Variants in LRRTM4 observed in about 807,000 individuals in gnomAD.
The protein encoded by LRRTM4 is leucine rich repeat transmembrane neuronal 4.
A neutral mutation model predicts 47.6 loss-of-function variants in LRRTM4; 25 were observed. The observed-to-expected ratio is 0.53, with a 90% CI of 0.38 to 0.73. The LOEUF is 0.73. Ranked by LOEUF, LRRTM4 falls within the 30% of genes least tolerant of loss-of-function variation. The probability of loss-of-function intolerance (pLI) is 0.00; values close to 1 mark genes in which losing one functional copy is unlikely to be tolerated. For synonymous variants in LRRTM4, 311 were observed against 269.5 expected (o/e 1.15, Z -1.51); for missense variants, 638 against 713.4 (o/e 0.89, Z 1.20).
chr2:77,079,045 C>T (rs1043802988), intron 3 of LRRTM4, among the ~76,000 whole-genome samples: 3 of 152,150 alleles, frequency 2.0e-5, no homozygotes, highest in African/African-American at 7.2e-5. Flanking sequence ...TCTAACACTT[C>T]CCCCAAAGCT....
Position 77,022,819 on chromosome 2 carries a change from T to G in LRRTM4, c.1552-273903A>C, listed in dbSNP as rs1382440059. ...GCTGCTTTTATGGGCTGGCATTGAG[T>G]GTCTGTGGCTTTTCAAGGCTCGCGT... On this transcript the variant is annotated intron_variant, in intron 3 of 3. Transcript: ENST00000409884. Among the ~76,000 whole-genome samples, 4 of 151,978 alleles carry G rather than the reference T, an allele frequency of 2.6e-5. No homozygotes were observed. The East Asian group carries it at 7.7e-4, about 29-fold the overall frequency.
At chr2:77,264,379 T>C (rs1675997442) in intron 3 of LRRTM4, among the ~76,000 whole-genome samples, 6 of 152,070 alleles carry the variant, frequency 3.9e-5, no homozygotes, top group Admixed American at 1.3e-4. Flanking sequence ...CTCTGGTTTC[T>C]TTTTGTATAA....
At chr2:77,507,865 A>G (rs1678838790) in intron 3 of LRRTM4, among the ~76,000 whole-genome samples, 1 of 152,154 alleles carries the variant, frequency 6.6e-6, no homozygotes, top group Non-Finnish European at 1.5e-5. Flanking sequence ...CATGGTTACC[A>G]TGACGACAGC....
At chr2:77,104,667 C>A (rs1251153243) in intron 3 of LRRTM4, among the ~76,000 whole-genome samples, 2 of 152,142 alleles carry the variant, frequency 1.3e-5, no homozygotes, top group East Asian at 1.9e-4. Context: ...AATATTGAAA[C>A]CTCCTCAAAC....
chr2:77,014,252 A>G (rs936547835), intron 3 of LRRTM4, among the ~76,000 whole-genome samples: 1 of 152,162 alleles, frequency 6.6e-6, no homozygotes, highest in African/African-American at 2.4e-5. Flanking sequence ...GCAGATGGTG[A>G]AAGGAATAGG....
At chr2:76,976,232 C>CA (rs1676413998) in intron 3 of LRRTM4, among the ~76,000 whole-genome samples, 1 of 151,546 alleles carries the variant, frequency 6.6e-6, no homozygotes, top group South Asian at 2.1e-4. Context: ...AAAGAGCCTT[C>CA]AGTAATAACA....
At chr2:77,442,948 T>A (rs1675904945) in intron 3 of LRRTM4, among the ~76,000 whole-genome samples, 1 of 152,124 alleles carries the variant, frequency 6.6e-6, no homozygotes, top group Admixed American at 6.5e-5. Flanking sequence ...ATAATCTGGG[T>A]ACATCATTTT....
In LRRTM4 at chr2:76,993,159, G is replaced by A. The variant is rs1369178506; in HGVS notation, c.1552-244243C>T. 2.6e-5 allele frequency among the ~76,000 whole-genome samples: 4 copies of A among 151,748 alleles called. No individual in the cohort carries two copies. In the South Asian group the frequency reaches 6.2e-4, roughly 24 times the overall value. On this transcript the variant is annotated intron_variant, in intron 3 of 3. Coordinates refer to ENST00000409884, the MANE Select transcript of LRRTM4 (RefSeq NM_001134745.3). The stretch of plus-strand genomic sequence containing the variant: ...ATATTTAAAAGTAAGACCTCAAACT[G>A]TAAAAATCCTAGAAGAAAACCTAGG...
chr2:76,753,639 A>G (rs965063443), intron 3 of LRRTM4, among the ~76,000 whole-genome samples: 1 of 152,078 alleles, frequency 6.6e-6, no homozygotes, highest in Non-Finnish European at 1.5e-5. Flanking sequence ...TTAGGGAGAG[A>G]GCGTATTTTT....
At chr2:76,869,166 G>C (rs1006306914) in intron 3 of LRRTM4, among the ~76,000 whole-genome samples, 7 of 151,982 alleles carry the variant, frequency 4.6e-5, no homozygotes, top group African/African-American at 1.4e-4. Flanking sequence ...AAAATTAGCT[G>C]GACATGGTGG....
At chr2:76,900,727 A>G (rs1341252597) in intron 3 of LRRTM4, among the ~76,000 whole-genome samples, 1 of 152,186 alleles carries the variant, frequency 6.6e-6, no homozygotes, top group African/African-American at 2.4e-5. Flanking sequence ...GATAATAGTT[A>G]AAAAGGTGGC....
chr2:77,437,124 C>G (rs983996964), intron 3 of LRRTM4, among the ~76,000 whole-genome samples: 1 of 151,908 alleles, frequency 6.6e-6, no homozygotes, highest in Admixed American at 6.6e-5. Flanking sequence ...TTAAGATGAC[C>G]TTTCAATATT....
rs143731975 is a variant in LRRTM4 at position 77,034,079 on chromosome 2, T to C, written c.1552-285163A>G. On this transcript the variant is annotated intron_variant, in intron 3 of 3. Transcript: ENST00000409884. Reference sequence around the variant, plus strand: ...AAGGTTCTGTTATGGCAAATAATTATATTAATATTTTAATCTTAAAATAGC... The same window carrying C: ...AAGGTTCTGTTATGGCAAATAATTACATTAATATTTTAATCTTAAAATAGC... 3.4e-3 allele frequency among the ~76,000 whole-genome samples: 510 copies of C among 151,892 alleles called. 1 individual carries two copies. Among genetic ancestry groups the C allele is most frequent in the African/African-American group, 0.012 (485 of 41,502 alleles).
intron 3 of LRRTM4, among the ~76,000 whole-genome samples, chr2:76,866,029 C>T (rs545524689): frequency 6.6e-6 from 1 of 152,128 alleles, no homozygotes; most frequent in East Asian, 1.9e-4. Context: ...CAGTAGCCAC[C>T]GTGAAAGGAG....
chr2:77,012,723 A>G lies in LRRTM4; in HGVS notation c.1552-263807T>C, dbSNP rs560543931. 2.4e-4 allele frequency among the ~76,000 whole-genome samples: 36 copies of G among 152,310 alleles called. 2 individuals are homozygous for G. The highest frequency in any genetic ancestry group is 1.5e-3 in the Admixed American group (23 of 15,294). Reference sequence around the variant, plus strand: ...CCCCAAACTCTGTGATTATGCAGCAATTCAGCAAAACTAGGCCTCTGGTGT... The same window carrying G: ...CCCCAAACTCTGTGATTATGCAGCAGTTCAGCAAAACTAGGCCTCTGGTGT... On this transcript the variant is annotated intron_variant, in intron 3 of 3. Transcript: ENST00000409884.
intron 3 of LRRTM4, among the ~76,000 whole-genome samples, chr2:77,447,796 A>T (rs2103944556): frequency 6.6e-6 from 1 of 152,298 alleles, no homozygotes; most frequent in Middle Eastern, 3.4e-3. Context: ...TTTTCAGAAC[A>T]CATATGGCAT....
intron 3 of LRRTM4, among the ~76,000 whole-genome samples, chr2:77,352,808 A>C (rs1175021074): frequency 6.6e-6 from 1 of 152,088 alleles, no homozygotes; most frequent in Non-Finnish European, 1.5e-5. Context: ...CAGTGAAAGA[A>C]GACTAATAGA....
chr2:77,518,949 GTGA>G lies in LRRTM4; in HGVS notation c.917_919del (p.Ile306del). ...GCATTCCCACATATTTCCAGACAAT[GTGA>G]TGGATATTAATGATATCCACGCATT... On this transcript the variant is annotated inframe_deletion, in exon 3 of 4. Transcript: ENST00000409884. The G allele has an allele frequency of 6.2e-7, 1 of 1,611,246 alleles. No individual in the cohort carries two copies. The highest frequency in any genetic ancestry group is 8.5e-7 in the Non-Finnish European group (1 of 1,178,576).
At chr2:77,142,428 C>T (rs1238427405) in intron 3 of LRRTM4, among the ~76,000 whole-genome samples, 3 of 118,902 alleles carry the variant, frequency 2.5e-5, no homozygotes, top group African/African-American at 8.4e-5. Context: ...ACCACACACA[C>T]ATACACACAC....
Sources: gnomAD v4.1 joint callset for allele counts (sites outside exome capture counted in the v4.1 genomes callset) on GRCh38, gnomAD v4.1.1 for gene constraint, MANE v1.5 for transcripts, NCBI Gene and HGNC (gene_info 2026-07-23, HGNC 2026-07-21) for gene names.